WNK2: variants seen among roughly 807,000 people sequenced by gnomAD.
The protein encoded by WNK2 is WNK lysine deficient protein kinase 2, also known as serine/threonine-protein kinase WNK2.
In WNK2, 67 loss-of-function variants were observed where a neutral mutation model predicts 192.1. That is an observed-to-expected ratio of 0.35 (90% confidence interval 0.29 to 0.43). WNK2 has a LOEUF of 0.43. Among genes scored for constraint, WNK2 ranks in the 20% least tolerant of loss-of-function variants. The probability of loss-of-function intolerance (pLI) is 1.00; values close to 1 mark genes in which losing one functional copy is unlikely to be tolerated. For synonymous variants in WNK2, 1,439 were observed against 1,393.9 expected, an observed-to-expected ratio of 1.03 and a Z score of -0.72; for missense variants, 2,698 against 3,089.7, an observed-to-expected ratio of 0.87 and a Z score of 3.01.
intron 14 of WNK2, 42 bp downstream of exon 14, chr9:93,262,761 G>A (rs1844500582): frequency 6.2e-7 from 1 of 1,604,446 alleles, no homozygotes; most frequent in South Asian, 1.1e-5. Context: ...GGGTGTAGGG[G>A]CGCAGGCCTG....
At chr9:93,268,875 T>C (rs1176842453) in intron 19 of WNK2, 129 bp downstream of exon 19, 1 of 1,573,078 alleles carries the variant, frequency 6.4e-7, no homozygotes. Context: ...CTGTCTCCCA[T>C]GGCGCAGAGC....
chr9:93,302,182 C>T (rs1417699397), intron 26 of WNK2, among the ~76,000 whole-genome samples: 1 of 152,226 alleles, frequency 6.6e-6, no homozygotes, highest in African/African-American at 2.4e-5. Context: ...GGAGACCAAG[C>T]ACCTCCAGGG....
chr9:93,202,325 C>CGTACGTGTGTGTGT, intron 2 of WNK2, among the ~76,000 whole-genome samples: 3 of 130,650 alleles, frequency 2.3e-5, no homozygotes, highest in African/African-American at 8.2e-5. Context: ...TCCGTGTGCA[C>CGTACGTGTGTGTGT]GTGTGTGTGT....
intron 2 of WNK2, among the ~76,000 whole-genome samples, chr9:93,206,065 C>T (rs1220458654): frequency 6.6e-6 from 1 of 152,162 alleles, no homozygotes; most frequent in Non-Finnish European, 1.5e-5. Flanking sequence ...TCCTCCTGCC[C>T]ACGGCCCATT....
At chr9:93,250,583 A>T (rs1401052532) in intron 8 of WNK2, among the ~76,000 whole-genome samples, 1 of 152,220 alleles carries the variant, frequency 6.6e-6, no homozygotes, top group East Asian at 1.9e-4. Flanking sequence ...ACATTATTGT[A>T]TTGGAAGATG....
chr9:93,299,064 G>T lies in WNK2; in HGVS notation c.5924-6G>T. ...CGTGCCTGTCGCCTCTTCTCCCCCC[G>T]CCCAGGTCACTTGGCTGACTCCAGC... On this transcript the variant is annotated splice_region_variant and splice_polypyrimidine_tract_variant and intron_variant, in intron 24 of 29. Transcript: ENST00000427277. 1.9e-6 allele frequency: 3 copies of T among 1,608,120 alleles called. No individual in the cohort carries two copies. The highest frequency in any genetic ancestry group is 2.5e-6 in the Non-Finnish European group (3 of 1,178,254).
chr9:93,318,047 C>T (rs971393148), intron 29 of WNK2: 12 of 1,612,032 alleles, frequency 7.4e-6, no homozygotes, highest in African/African-American at 4.0e-5. Context: ...GTCCACGCGC[C>T]GTCTCCACAC....
At chr9:93,252,043 G>A (rs549097930) in intron 8 of WNK2, among the ~76,000 whole-genome samples, 3 of 152,294 alleles carry the variant, frequency 2.0e-5, no homozygotes, top group African/African-American at 7.2e-5. Flanking sequence ...AAATAGTGTG[G>A]CGTTTGTAAG....
intron 28 of WNK2, among the ~76,000 whole-genome samples, chr9:93,313,147 G>A (rs936812162): frequency 6.6e-6 from 1 of 152,066 alleles, no homozygotes; most frequent in Non-Finnish European, 1.5e-5. Context: ...AGTTCTTCGA[G>A]CACATTTAAG....
At chr9:93,195,813 G>A (rs6479466) in intron 2 of WNK2, among the ~76,000 whole-genome samples, 116,217 of 151,808 alleles carry the variant, frequency 0.77, 45,032 homozygotes, top group Non-Finnish European at 0.83. Flanking sequence ...GGTCTTGTTT[G>A]CACATGTATA....
intron 2 of WNK2, among the ~76,000 whole-genome samples, chr9:93,187,877 C>T (rs377756573): frequency 6.6e-6 from 1 of 151,732 alleles, no homozygotes; most frequent in Non-Finnish European, 1.5e-5. Flanking sequence ...GTGGGAGGGG[C>T]GTTGGACTCT....
chr9:93,235,308 C>T (rs1000517205), intron 5 of WNK2, among the ~76,000 whole-genome samples: 27 of 152,188 alleles, frequency 1.8e-4, no homozygotes, highest in Admixed American at 7.2e-4. Flanking sequence ...TGCCTGGAGG[C>T]GTGCCTAGGC....
At chr9:93,225,352 C>T (rs1837625950) in intron 2 of WNK2, among the ~76,000 whole-genome samples, 1 of 152,200 alleles carries the variant, frequency 6.6e-6, no homozygotes, top group Non-Finnish European at 1.5e-5. Flanking sequence ...GCTATGATCA[C>T]ACCACGGCAC....
rs776829749 is a variant in WNK2, at chr9:93,259,341, G to A, written c.2793G>A (p.Thr931=). Reference sequence around the variant, plus strand: ...ACGTCCCTCCTTCCCCCCATCACACGGTGCAGAATATGAGGGCCACCCCTC... The same window carrying A: ...ACGTCCCTCCTTCCCCCCATCACACAGTGCAGAATATGAGGGCCACCCCTC... ...PTDVPPSPHH[T]VQNMRATPPQ... The change falls in exon 12 of 30, where the codon ACG becomes ACA. Residue 931 remains threonine (T), a synonymous_variant. Transcript: ENST00000427277. This position sits in a 1 kb window ranked among gnomAD's most constrained non-coding sequence, Gnocchi z 4.8. The A allele has an allele frequency of 2.1e-5, 34 of 1,612,000 alleles. No homozygotes were observed. Among genetic ancestry groups the A allele is most frequent in the Middle Eastern group, 3.3e-4 (2 of 6,082 alleles).
chr9:93,190,705 G>T (rs746517034), intron 2 of WNK2, among the ~76,000 whole-genome samples: 1 of 152,262 alleles, frequency 6.6e-6, no homozygotes, highest in African/African-American at 2.4e-5. Flanking sequence ...AGGCCCTGCG[G>T]AGTGCCTGGG....
chr9:93,289,535 G>A lies in WNK2; in HGVS notation c.4781G>A (p.Arg1594His), dbSNP rs765224623. 3.8e-6 allele frequency: 6 copies of A among 1,585,364 alleles called. No individual in the cohort carries two copies. Among genetic ancestry groups the A allele is most frequent in the South Asian group, 3.4e-5 (3 of 89,494 alleles). ...GAGCCCCTGAGAGGGGACCAGCCCC[G>A]CTCAGAGGTCTGCGGGGGGGACCTG... ...TLEPLRGDQP[R>H]SEVCGGDLAL... is the part of the protein sequence containing the mutation. The change falls in exon 20 of 30, where the codon CGC becomes CAC. Residue 1594 changes from arginine to histidine, a missense_variant. Around this residue, in one of 7 missense-constraint regions of WNK2, gnomAD observed 1,098 missense variants for 1,101.0 expected, o/e 1.00. Coordinates refer to ENST00000427277, the MANE Select transcript of WNK2 (RefSeq NM_006648.4).
chr9:93,212,326 C>T lies in WNK2; in HGVS notation c.682-17370C>T, dbSNP rs550132276. Among the ~76,000 whole-genome samples the T allele has an allele frequency of 1.2e-4, 18 of 152,330 alleles. No homozygotes were observed. In the East Asian group the frequency reaches 3.3e-3, roughly 28 times the overall value. On this transcript the variant is annotated intron_variant, in intron 2 of 29. Coordinates refer to ENST00000427277, the MANE Select transcript of WNK2 (RefSeq NM_006648.4). ...GCATAGAGTGGATTCTGTTGCCGGG[C>T]TTGGTGTGGCTTGACTGCCTGATGG... is the stretch of plus-strand genomic sequence containing the variant.
At chr9:93,206,552 G>A (rs1204523744) in intron 2 of WNK2, among the ~76,000 whole-genome samples, 2 of 148,530 alleles carry the variant, frequency 1.3e-5, no homozygotes, top group Admixed American at 1.4e-4. Context: ...CATATTTAGT[G>A]TCCTTGGATG....
At chr9:93,290,070 T>G in intron 21 of WNK2, 23 bp downstream of exon 21, 1 of 1,553,588 alleles carries the variant, frequency 6.4e-7, no homozygotes, top group Non-Finnish European at 8.7e-7. Flanking sequence ...TGCTGAACCC[T>G]GCGTTCACAA....
Sources: gnomAD v4.1 joint callset for allele counts (sites outside exome capture counted in the v4.1 genomes callset) on GRCh38, gnomAD v4.1.1 for gene constraint, gnomAD v4.1.1 regional missense constraint, Gnocchi (gnomAD v3.1) non-coding constraint, MANE v1.5 for transcripts, NCBI Gene and HGNC (gene_info 2026-07-23, HGNC 2026-07-21) for gene names.